EPHB2: variants seen among roughly 807,000 people sequenced by gnomAD.
EPHB2 encodes the protein ephrin type-B receptor 2.
In EPHB2, 18 loss-of-function variants were observed where a neutral mutation model predicts 96.4. The ratio of observed to expected loss-of-function variants is 0.19; its 90% CI spans 0.13 to 0.28. The LOEUF (loss-of-function observed/expected upper bound fraction) is 0.28. Among genes scored for constraint, EPHB2 ranks in the 10% least tolerant of loss-of-function variants. The pLI, the probability that EPHB2 is intolerant of heterozygous loss-of-function variation, is 1.00. For synonymous variants in EPHB2, 506 were observed against 534.1 expected (o/e 0.95, Z 0.72); for missense variants, 989 against 1,355.4 (o/e 0.73, Z 4.25).
In EPHB2 at chr1:22,920,646, A is replaced by G. The variant is rs1475211943; in HGVS notation, c.*7076A>G. ...GCCGCTTTCCCCTCTGTGGAGAGGG[A>G]CTCTGATGGGCAGGGGGCACCAAGT... On this transcript the variant is annotated 3_prime_UTR_variant, in exon 16 of 16. Coordinates refer to ENST00000374630, the MANE Select transcript of EPHB2 (RefSeq NM_017449.5). The G allele has an allele frequency of 1.3e-5, 2 of 151,956 alleles. No homozygotes were observed. Among genetic ancestry groups the G allele is most frequent in the African/African-American group, 4.8e-5 (2 of 41,350 alleles). 9.4% of individuals were successfully genotyped at this position (151,956 alleles called of 1,614,324 possible). A position where few individuals can be genotyped will look rare whatever the true frequency, so the allele number is the denominator to read the frequency against.
At chr1:22,744,960 C>G (rs140014223) in intron 1 of EPHB2, among the ~76,000 whole-genome samples, 1 of 152,170 alleles carries the variant, frequency 6.6e-6, no homozygotes, top group Admixed American at 6.5e-5. Flanking sequence ...CTCGTCTTCA[C>G]GTTGAGCAGG....
chr1:22,721,001 A>G (rs552276495), intron 1 of EPHB2, among the ~76,000 whole-genome samples: 2 of 152,272 alleles, frequency 1.3e-5, no homozygotes, highest in East Asian at 1.9e-4. Context: ...ACTGGGCATC[A>G]TAATTTCAGG....
chr1:22,739,265 G>C (rs971237844), intron 1 of EPHB2, among the ~76,000 whole-genome samples: 1 of 151,940 alleles, frequency 6.6e-6, no homozygotes, highest in Non-Finnish European at 1.5e-5. Flanking sequence ...ACCCAGGCTG[G>C]AGTGCAGTGG....
chr1:22,831,836 G>C (rs2148486940), intron 3 of EPHB2, among the ~76,000 whole-genome samples: 1 of 152,236 alleles, frequency 6.6e-6, no homozygotes, highest in Middle Eastern at 3.4e-3. Flanking sequence ...GTGTTAGGCT[G>C]GGCTGGAAAC....
At chr1:22,850,455 C>T (rs749776846) in intron 3 of EPHB2, among the ~76,000 whole-genome samples, 11 of 152,320 alleles carry the variant, frequency 7.2e-5, no homozygotes, top group Admixed American at 2.0e-4. Context: ...GGCCTTACCT[C>T]GGTGGCCCAC....
chr1:22,857,414 C>T lies in EPHB2; in HGVS notation c.812-5623C>T, dbSNP rs146807668. ...CATCAGACTCACCAATCCAAGGGGC[C>T]AGGGAGATGAAGGAGAAGGGCATTC... On this transcript the variant is annotated intron_variant, in intron 3 of 15. Coordinates refer to ENST00000374630, the MANE Select transcript of EPHB2 (RefSeq NM_017449.5). Among the ~76,000 whole-genome samples, 767 of 152,000 alleles carry T rather than the reference C, an allele frequency of 5.0e-3. 4 individuals are homozygous for T. The highest frequency in any genetic ancestry group is 0.017 in the South Asian group (80 of 4,802).
intron 3 of EPHB2, among the ~76,000 whole-genome samples, chr1:22,811,055 C>T (rs372462642): frequency 3.9e-5 from 6 of 152,140 alleles, no homozygotes; most frequent in Non-Finnish European, 8.8e-5. Context: ...CCATGTGCTG[C>T]GTGACCTGGG....
chr1:22,758,004 C>T lies in EPHB2; in HGVS notation c.62-23417C>T, dbSNP rs549039386. 3.6e-3 allele frequency among the ~76,000 whole-genome samples: 541 copies of T among 149,690 alleles called. 7 individuals are homozygous for T. Among genetic ancestry groups the T allele is most frequent in the Non-Finnish European group, 6.8e-3 (459 of 67,414 alleles). On this transcript the variant is annotated intron_variant, in intron 1 of 15. Coordinates refer to ENST00000374630, the MANE Select transcript of EPHB2 (RefSeq NM_017449.5). ...CGCGATCTCGGCTCACTGCAAGCTC[C>T]GCCTCCCGGGTTCACGCCATTCTCC...
At chr1:22,731,445 G>A (rs755323185) in intron 1 of EPHB2, among the ~76,000 whole-genome samples, 35 of 152,204 alleles carry the variant, frequency 2.3e-4, no homozygotes, top group Non-Finnish European at 4.0e-4. Context: ...CTGTGGACAA[G>A]TTGCTTCACT....
chr1:22,729,719 C>T (rs1643663391), intron 1 of EPHB2, among the ~76,000 whole-genome samples: 1 of 152,202 alleles, frequency 6.6e-6, no homozygotes, highest in Admixed American at 6.5e-5. Context: ...CAATCTTTTG[C>T]TGCATTTGTC....
At chr1:22,719,663 G>A (rs968666977) in intron 1 of EPHB2, 1 of 152,254 alleles carries the variant, frequency 6.6e-6, no homozygotes, top group African/African-American at 2.4e-5. Context: ...GTGACCTGGA[G>A]TCAATTGCAT....
intron 4 of EPHB2, among the ~76,000 whole-genome samples, chr1:22,863,833 T>C (rs571229815): frequency 6.6e-6 from 1 of 152,246 alleles, no homozygotes; most frequent in East Asian, 1.9e-4. Context: ...GCCCTCAGCC[T>C]TCTGCCCTCA....
Position 22,869,781 on chromosome 1 carries a change from G to A in EPHB2, c.1303+4569G>A, listed in dbSNP as rs908282554. On this transcript the variant is annotated intron_variant, in intron 5 of 15. Coordinates refer to ENST00000374630, the MANE Select transcript of EPHB2 (RefSeq NM_017449.5). ...ATTTCACTGACCTTCCTGACTTGGT[G>A]GGACACCTCCCTCCCCAACCCCAGC... 9.2e-5 allele frequency among the ~76,000 whole-genome samples: 14 copies of A among 152,286 alleles called. 1 individual carries two copies. The highest frequency in any genetic ancestry group is 3.4e-3 in the Middle Eastern group (1 of 294).
chr1:22,885,541 C>T (rs1639196845), intron 6 of EPHB2, among the ~76,000 whole-genome samples: 1 of 152,246 alleles, frequency 6.6e-6, no homozygotes, highest in South Asian at 2.1e-4. Flanking sequence ...TCTAGCATCT[C>T]ATTTATCCTC....
intron 3 of EPHB2, among the ~76,000 whole-genome samples, chr1:22,823,180 C>T (rs1375792636): frequency 6.6e-6 from 1 of 152,228 alleles, no homozygotes; most frequent in African/African-American, 2.4e-5. Context: ...CCAAAAAGCA[C>T]CCTCAACTGC....
intron 3 of EPHB2, among the ~76,000 whole-genome samples, chr1:22,823,329 G>A (rs981439187): frequency 1.3e-5 from 2 of 152,176 alleles, no homozygotes; most frequent in Non-Finnish European, 2.9e-5. Flanking sequence ...TCCTCTTCAA[G>A]TCTGTATTAT....
chr1:22,890,586 C>T (rs992174843), intron 6 of EPHB2, among the ~76,000 whole-genome samples: 6 of 152,170 alleles, frequency 3.9e-5, no homozygotes, highest in African/African-American at 1.4e-4. Flanking sequence ...CCCCCACTCA[C>T]GAGGGAGCTT....
At chr1:22,843,632 G>A (rs978470370) in intron 3 of EPHB2, among the ~76,000 whole-genome samples, 6 of 151,990 alleles carry the variant, frequency 3.9e-5, no homozygotes, top group Admixed American at 1.3e-4. Flanking sequence ...CCTGTACCTC[G>A]CAGATTCAAG....
chr1:22,887,293 G>A (rs1639256972), intron 6 of EPHB2, among the ~76,000 whole-genome samples: 1 of 152,154 alleles, frequency 6.6e-6, no homozygotes, highest in South Asian at 2.1e-4. Flanking sequence ...GGACAGCTAG[G>A]CTGCAGGTGG....
Sources: gnomAD v4.1 joint callset for allele counts (sites outside exome capture counted in the v4.1 genomes callset) on GRCh38, gnomAD v4.1.1 for gene constraint, MANE v1.5 for transcripts, NCBI Gene and HGNC (gene_info 2026-07-23, HGNC 2026-07-21) for gene names.